Variants in TXNDC16 observed in about 807,000 individuals in gnomAD.
TXNDC16 encodes the protein thioredoxin domain containing 16.
A neutral mutation model predicts 85.6 loss-of-function variants in TXNDC16; 74 were observed. The ratio of observed to expected loss-of-function variants is 0.86; its 90% CI spans 0.72 to 1.05. The LOEUF is 1.05. Among genes scored for constraint, TXNDC16 ranks in the 50% least tolerant of loss-of-function variants. The pLI is 0.00. For synonymous variants in TXNDC16, 335 were observed against 326.5 expected, an observed-to-expected ratio of 1.03 and a Z score of -0.28; for missense variants, 959 against 947.0, an observed-to-expected ratio of 1.01 and a Z score of -0.17.
intron 18 of TXNDC16, among the ~76,000 whole-genome samples, chr14:52,450,042 A>T (rs2035372305): frequency 6.6e-6 from 1 of 152,120 alleles, no homozygotes; most frequent in Admixed American, 6.5e-5. Flanking sequence ...GAAAAGCAAG[A>T]GCAAACCAAA....
intron 20 of TXNDC16, 118 bp downstream of exon 20, chr14:52,439,086 T>C (rs2035102640): frequency 2.8e-6 from 3 of 1,083,800 alleles, no homozygotes; most frequent in Non-Finnish European, 2.7e-6. Flanking sequence ...ACTGTCCACA[T>C]GGATGATGCT....
chr14:52,462,605 G>T (rs2140122856), intron 16 of TXNDC16, among the ~76,000 whole-genome samples: 1 of 152,298 alleles, frequency 6.6e-6, no homozygotes, highest in South Asian at 2.1e-4. Flanking sequence ...ATAGGCATGT[G>T]GAAATATAAG....
intron 16 of TXNDC16, chr14:52,462,836 G>GT (rs2035682823): frequency 7.3e-6 from 3 of 410,200 alleles, no homozygotes; most frequent in Admixed American, 6.4e-5. Context: ...TGCCATTTTT[G>GT]TAAGTGTTTG....
At chr14:52,437,514 C>T (rs1469991474) in intron 20 of TXNDC16, among the ~76,000 whole-genome samples, 1 of 152,050 alleles carries the variant, frequency 6.6e-6, no homozygotes, top group Non-Finnish European at 1.5e-5. Context: ...TTTCTAAATA[C>T]CCCATAAGCA....
In TXNDC16 at chr14:52,431,571, C is replaced by T. The variant is rs1222672075; in HGVS notation, c.*733G>A. The T allele has an allele frequency of 6.6e-6, 1 of 152,172 alleles. No homozygotes were observed. The highest frequency in any genetic ancestry group is 2.4e-5 in the African/African-American group (1 of 41,434). The allele number at this position is 152,172 out of a possible 1,614,324, so 9.4% of individuals were successfully genotyped here. Reference sequence around the variant, plus strand: ...CTAGTCTGCCACAGGTTACTTTTAACACAAGGTTACTCAGCCTTGGCACGA... The same window carrying T: ...CTAGTCTGCCACAGGTTACTTTTAATACAAGGTTACTCAGCCTTGGCACGA... On this transcript the variant is annotated 3_prime_UTR_variant, in exon 21 of 21. Coordinates refer to ENST00000281741, the MANE Select transcript of TXNDC16 (RefSeq NM_020784.3).
At chr14:52,510,346 G>T (rs912045528) in intron 9 of TXNDC16, among the ~76,000 whole-genome samples, 1 of 152,238 alleles carries the variant, frequency 6.6e-6, no homozygotes, top group Middle Eastern at 3.4e-3. Context: ...TCCTTAAGGA[G>T]CCCTCTACTG....
At chr14:52,464,340 G>C (rs1173599189) in intron 16 of TXNDC16, among the ~76,000 whole-genome samples, 2 of 152,170 alleles carry the variant, frequency 1.3e-5, no homozygotes, top group East Asian at 3.9e-4. Context: ...ACAAACGACA[G>C]TGTTTTCTAG....
At position 52,457,177 on chromosome 14, in the gene TXNDC16, A is replaced by G. The variant is rs778971737; in HGVS notation, c.1619-3T>C. On this transcript the variant is annotated splice_region_variant and splice_polypyrimidine_tract_variant and intron_variant, in intron 16 of 20. Coordinates refer to ENST00000281741, the MANE Select transcript of TXNDC16 (RefSeq NM_020784.3). ...TGCTTCACTAAAATCTTCTTTTGCTATAAATACATAGAGAAGACAAAAATC... is the reference window on the plus strand; with the variant it reads ...TGCTTCACTAAAATCTTCTTTTGCTGTAAATACATAGAGAAGACAAAAATC... 10 of 1,556,236 alleles carry G rather than the reference A, an allele frequency of 6.4e-6. No homozygotes were observed. The highest frequency in any genetic ancestry group is 8.7e-6 in the Non-Finnish European group (10 of 1,147,438).
chr14:52,510,852 G>C (rs1229318902), intron 9 of TXNDC16, among the ~76,000 whole-genome samples: 1 of 152,162 alleles, frequency 6.6e-6, no homozygotes, highest in Non-Finnish European at 1.5e-5. Context: ...TTTTAAAATA[G>C]TGATCAAAGC....
rs1187499300 is a variant in TXNDC16 at position 52,536,651 on chromosome 14, G to A, written c.392+68C>T. ...ACCCTGAAATATTTTAATGAATTGT[G>A]GTTATTTAAAATGAAATCAACAGAT... On this transcript the variant is annotated intron_variant, in intron 6 of 20. Transcript: ENST00000281741. 8 of 1,246,754 alleles carry A rather than the reference G, an allele frequency of 6.4e-6. No individual in the cohort carries two copies. The African/African-American group carries it at 1.1e-4, about 17-fold the overall frequency. 77.2% of individuals were successfully genotyped at this position (1,246,754 alleles called of 1,614,324 possible).
At chr14:52,533,523 C>G (rs1348489782) in intron 6 of TXNDC16, among the ~76,000 whole-genome samples, 1 of 152,168 alleles carries the variant, frequency 6.6e-6, no homozygotes, top group East Asian at 1.9e-4. Context: ...ACATCACTTG[C>G]CTGCCTACAG....
chr14:52,482,204 T>G (rs1218678839), intron 14 of TXNDC16, 26 bp downstream of exon 14: 1 of 1,574,344 alleles, frequency 6.4e-7, no homozygotes, highest in Non-Finnish European at 8.6e-7. Flanking sequence ...ATCAGAATAA[T>G]AAGCATGCAT....
intron 4 of TXNDC16, among the ~76,000 whole-genome samples, chr14:52,541,835 T>C (rs957478964): frequency 2.6e-5 from 4 of 152,186 alleles, no homozygotes; most frequent in African/African-American, 7.2e-5. Context: ...TAATACTCTA[T>C]GGCAAATTTG....
chr14:52,490,743 T>G, intron 10 of TXNDC16, 96 bp downstream of exon 10: 1 of 1,329,122 alleles, frequency 7.5e-7, no homozygotes, highest in Non-Finnish European at 1.0e-6. Flanking sequence ...TATTAGAGAT[T>G]TGAGTTTACT....
chr14:52,510,439 A>G (rs906355638), intron 9 of TXNDC16, among the ~76,000 whole-genome samples: 1 of 152,240 alleles, frequency 6.6e-6, no homozygotes, highest in Non-Finnish European at 1.5e-5. Flanking sequence ...AAATAACATT[A>G]GATATCTTTA....
chr14:52,488,423 T>C lies in TXNDC16; in HGVS notation c.1048A>G (p.Asn350Asp). Residue 350 changes from asparagine (N) to aspartate (D), a missense_variant, in exon 12 of 21, where the codon AAT (asparagine) becomes GAT (aspartate). Physicochemically the swap from Asn to Asp is conservative, Grantham distance 23 (BLOSUM62 1). Coordinates refer to ENST00000281741, the MANE Select transcript of TXNDC16 (RefSeq NM_020784.3). ...TCTTGTATTTCCTCAATGTGCATAT[T>C]ATTTTCCACATGAGATATTATTAAA... is the stretch of plus-strand genomic sequence containing the variant. ...VDLIISHVEN[N>D]MHIEEIQEDE... 2 of 1,613,172 alleles carry C rather than the reference T, an allele frequency of 1.2e-6. No homozygotes were observed. Among genetic ancestry groups the C allele is most frequent in the Non-Finnish European group, 1.7e-6 (2 of 1,179,212 alleles).
At chr14:52,504,567 G>A (rs1019349012) in intron 9 of TXNDC16, among the ~76,000 whole-genome samples, 1 of 152,154 alleles carries the variant, frequency 6.6e-6, no homozygotes, top group Non-Finnish European at 1.5e-5. Context: ...GCTCCTGAAG[G>A]AAGCAATAAA....
intron 6 of TXNDC16, among the ~76,000 whole-genome samples, chr14:52,531,963 A>G (rs1192510649): frequency 1.3e-5 from 2 of 152,180 alleles, no homozygotes; most frequent in African/African-American, 4.8e-5. Flanking sequence ...GTTTCTGTAC[A>G]TCTAAAACTG....
intron 9 of TXNDC16, among the ~76,000 whole-genome samples, chr14:52,506,980 A>T (rs528344408): frequency 1.3e-5 from 2 of 152,124 alleles, no homozygotes; most frequent in East Asian, 3.9e-4. Context: ...AAAAACTGGA[A>T]GCATTCCCTT....
Sources: allele counts gnomAD v4.1 joint callset (sites outside exome capture counted in the v4.1 genomes callset), GRCh38; gene constraint gnomAD v4.1.1; transcripts MANE v1.5; gene names NCBI Gene and HGNC (gene_info 2026-07-23, HGNC 2026-07-21).